The following HHIPL1 variants were observed in gnomAD, a reference collection of about 807,000 sequenced individuals.
HHIPL1 encodes HHIP-like protein 1.
Under a neutral mutation model 61.8 loss-of-function variants are expected in HHIPL1, and 43 were observed. The observed-to-expected ratio is 0.70, with a 90% CI of 0.55 to 0.90. The LOEUF (loss-of-function observed/expected upper bound fraction) is 0.90, where lower values mean the gene tolerates loss of function less well. HHIPL1 is among the 40% of genes least tolerant of loss of function. HHIPL1 has a pLI of 0.00. For missense variants in HHIPL1, 1,056 were observed against 1,157.7 expected, an observed-to-expected ratio of 0.91 and a Z score of 1.28; for synonymous variants, 482 against 515.8, an observed-to-expected ratio of 0.93 and a Z score of 0.89.
At chr14:99,672,255 A>G in intron 7 of HHIPL1, 62 bp from the exon 8 acceptor site, 1 of 1,376,780 alleles carries the variant, frequency 7.3e-7, no homozygotes, top group South Asian at 1.2e-5. Context: ...ACTGTAGAGA[A>G]AAGGCACCCT....
At chr14:99,672,293 T>C in intron 7 of HHIPL1, 24 bp from the exon 8 acceptor site, 3 of 1,549,444 alleles carry the variant, frequency 1.9e-6, no homozygotes, top group Non-Finnish European at 1.7e-6. Context: ...GTGAGACTCA[T>C]AACCTCCTGT....
At chr14:99,606,244 G>A in the HHIPL1 span, among the ~76,000 whole-genome samples, 1 of 152,144 alleles carries the variant, frequency 6.6e-6, no homozygotes, top group African/African-American at 2.4e-5. Flanking sequence ...TGAGGGGAGG[G>A]GACATCCTCC....
At chr14:99,630,941 G>A in the HHIPL1 span, among the ~76,000 whole-genome samples, 320 of 152,188 alleles carry the variant, frequency 2.1e-3, 2 homozygotes, top group South Asian at 0.011. Flanking sequence ...CTCCCTGCAC[G>A]CATGTCCTCT....
chr14:99,674,268 G>T (rs140582776), intron 8 of HHIPL1, among the ~76,000 whole-genome samples: 8 of 151,878 alleles, frequency 5.3e-5, no homozygotes, highest in African/African-American at 1.7e-4. Flanking sequence ...CCAGTGCCTG[G>T]CACTGCACCT....
the HHIPL1 span, among the ~76,000 whole-genome samples, chr14:99,606,226 C>G: frequency 2.0e-5 from 3 of 152,184 alleles, no homozygotes; most frequent in African/African-American, 7.2e-5. Context: ...CCCAAGAGAA[C>G]CAGCTCCTGA....
chr14:99,634,823 G>A, the HHIPL1 span, among the ~76,000 whole-genome samples: 1,517 of 152,288 alleles, frequency 1.0e-2, 22 homozygotes, highest in African/African-American at 0.035. Context: ...CTGGCAGTCC[G>A]CAGCGGGAGT....
chr14:99,645,218 C>G lies in HHIPL1; in HGVS notation c.11C>G (p.Ala4Gly). MAR[A>G]RAGALLALWV... is the part of the protein sequence containing the mutation. ...CCGCGGGGCGTAGCGATGGCCCGGG[C>G]CAGGGCCGGGGCGCTGCTGGCGCTT... Residue 4 changes from alanine (A) to glycine (G), a missense_variant, in exon 1 of 9, where the codon GCC becomes GGC. Transcript: ENST00000330710. 7 of 1,308,160 alleles carry G rather than the reference C, an allele frequency of 5.4e-6. No individual in the cohort carries two copies. Among genetic ancestry groups the G allele is most frequent in the Non-Finnish European group, 6.8e-6 (7 of 1,030,310 alleles). 81.0% of individuals were successfully genotyped at this position (1,308,160 alleles called of 1,614,324 possible).
chr14:99,676,013 G>A lies in HHIPL1; in HGVS notation c.*387G>A, dbSNP rs1284711608. The A allele has an allele frequency of 9.6e-6, 2 of 208,966 alleles. No homozygotes were observed. Among genetic ancestry groups the A allele is most frequent in the Non-Finnish European group, 1.9e-5 (2 of 105,528 alleles). 12.9% of individuals were successfully genotyped at this position (208,966 alleles called of 1,614,324 possible). ...GAGGCACAGCTTGCAGACTGAGGGC[G>A]GTGGGGAGAACCAGGCTTGTCCTGC... On this transcript the variant is annotated 3_prime_UTR_variant, in exon 9 of 9. Coordinates refer to ENST00000330710, the MANE Select transcript of HHIPL1 (RefSeq NM_001127258.3).
At chr14:99,613,702 A>C in the HHIPL1 span, among the ~76,000 whole-genome samples, 105 of 152,064 alleles carry the variant, frequency 6.9e-4, no homozygotes, top group African/African-American at 2.5e-3. Flanking sequence ...TGAGGTGAGG[A>C]GTTCGAGACC....
chr14:99,649,718 C>T (rs1036447920), intron 1 of HHIPL1, among the ~76,000 whole-genome samples: 1 of 152,172 alleles, frequency 6.6e-6, no homozygotes, highest in East Asian at 1.9e-4. Flanking sequence ...ATCGTTAGAG[C>T]CCAGGAGGTC....
chr14:99,670,567 GTT>G (rs2056316751), intron 7 of HHIPL1, among the ~76,000 whole-genome samples: 1 of 149,326 alleles, frequency 6.7e-6, no homozygotes, highest in African/African-American at 2.5e-5. Context: ...TTTTTTTCTT[GTT>G]TAAGAGCACA....
Position 99,675,702 on chromosome 14 carries a change from G to C in HHIPL1, c.*76G>C. ...GGCCGCTCCGCCCTGTGTGCGCCCA[G>C]CGGGTGCACACGTGTTCTAGAGTGA... On this transcript the variant is annotated 3_prime_UTR_variant, in exon 9 of 9. Coordinates refer to ENST00000330710, the MANE Select transcript of HHIPL1 (RefSeq NM_001127258.3). The surrounding 1 kb of genome is among the most constrained non-coding windows in gnomAD (Gnocchi z 5.4). The C allele has an allele frequency of 7.3e-7, 1 of 1,366,130 alleles. No individual in the cohort carries two copies. Among genetic ancestry groups the C allele is most frequent in the Non-Finnish European group, 9.7e-7 (1 of 1,033,412 alleles). The allele number at this position is 1,366,130 out of a possible 1,614,324, so 84.6% of individuals were successfully genotyped here. A position where few individuals can be genotyped will look rare whatever the true frequency, so the allele number is the denominator to read the frequency against.
the HHIPL1 span, among the ~76,000 whole-genome samples, chr14:99,632,174 A>G: frequency 6.6e-6 from 1 of 152,228 alleles, no homozygotes; most frequent in Admixed American, 6.5e-5. Context: ...CAGAAAGAAC[A>G]GGAGTAGCTT....
chr14:99,613,291 T>A, the HHIPL1 span, among the ~76,000 whole-genome samples: 1 of 151,914 alleles, frequency 6.6e-6, no homozygotes, highest in Non-Finnish European at 1.5e-5. Context: ...ATAAGCCTTA[T>A]AATTTTATTT....
At chr14:99,626,176 A>T in the HHIPL1 span, among the ~76,000 whole-genome samples, 1 of 152,082 alleles carries the variant, frequency 6.6e-6, no homozygotes, top group African/African-American at 2.4e-5. Context: ...TGGCTGTGAC[A>T]TTCCTGTGAC....
At chr14:99,661,131 C>G (rs939202178) in intron 5 of HHIPL1, among the ~76,000 whole-genome samples, 2 of 15,516 alleles carry the variant, frequency 1.3e-4, no homozygotes, top group Non-Finnish European at 4.1e-4. Context: ...GCTTATGGAG[C>G]CTCGTGACCA....
chr14:99,611,959 C>T, the HHIPL1 span, among the ~76,000 whole-genome samples: 25 of 152,252 alleles, frequency 1.6e-4, no homozygotes, highest in African/African-American at 5.3e-4. Context: ...TGCCCATCCT[C>T]GGTGATGTCT....
At chr14:99,615,902 G>A in the HHIPL1 span, among the ~76,000 whole-genome samples, 2 of 152,140 alleles carry the variant, frequency 1.3e-5, no homozygotes, top group Admixed American at 6.5e-5. Flanking sequence ...GAATATTAGA[G>A]CTCTGTCGGA....
At chr14:99,606,764 T>C in the HHIPL1 span, among the ~76,000 whole-genome samples, 1 of 152,076 alleles carries the variant, frequency 6.6e-6, no homozygotes, top group Non-Finnish European at 1.5e-5. Context: ...GTGCTAGTGG[T>C]GGTGGTACTG....
Sources: allele counts gnomAD v4.1 joint callset (sites outside exome capture counted in the v4.1 genomes callset), GRCh38; gene constraint gnomAD v4.1.1; non-coding constraint Gnocchi (gnomAD v3.1); transcripts MANE v1.5; gene names NCBI Gene and HGNC (gene_info 2026-07-23, HGNC 2026-07-21).